Variants in INPP4B observed in about 807,000 individuals in gnomAD.
The protein encoded by INPP4B is inositol polyphosphate 4-phosphatase type II.
In INPP4B, 55 loss-of-function variants were observed where a neutral mutation model predicts 122.5. The observed-to-expected ratio is 0.45, with a 90% CI of 0.36 to 0.56. The LOEUF (loss-of-function observed/expected upper bound fraction) is 0.56, where lower values mean the gene tolerates loss of function less well. INPP4B is among the 20% of genes least tolerant of loss of function. The probability of loss-of-function intolerance (pLI) is 0.00; values close to 1 mark genes in which losing one functional copy is unlikely to be tolerated. For synonymous variants in INPP4B, 403 were observed against 388.7 expected (o/e 1.04, Z -0.43); for missense variants, 1,000 against 1,097.7 (o/e 0.91, Z 1.26).
At chr4:142,334,329 T>C (rs150814275) in intron 7 of INPP4B, among the ~76,000 whole-genome samples, 1 of 152,300 alleles carries the variant, frequency 6.6e-6, no homozygotes, top group East Asian at 1.9e-4. Context: ...TCTCACAATT[T>C]CCTTATTAAT....
At chr4:142,357,154 T>A (rs1417314870) in intron 7 of INPP4B, among the ~76,000 whole-genome samples, 1 of 152,028 alleles carries the variant, frequency 6.6e-6, no homozygotes, top group Non-Finnish European at 1.5e-5. Context: ...TTTTCTGAGC[T>A]CTGTGAACCA....
rs1497138 is a variant in INPP4B, at chr4:142,185,947, T to C, written c.1181+7140A>G. Among the ~76,000 whole-genome samples the C allele has an allele frequency of 5.5e-3, 834 of 150,634 alleles. 7 individuals are homozygous for C. Among genetic ancestry groups the C allele is most frequent in the Middle Eastern group, 0.014 (4 of 290 alleles). On this transcript the variant is annotated intron_variant, in intron 15 of 25. Transcript: ENST00000262992. ...TAGTTATACTAAATGTAGGAATTTA[T>C]CTAGAAGAAACACCTAGAAATTTGC...
intron 2 of INPP4B, among the ~76,000 whole-genome samples, chr4:142,608,265 C>A (rs1741707458): frequency 6.6e-6 from 1 of 152,086 alleles, no homozygotes; most frequent in Non-Finnish European, 1.5e-5. Context: ...TTTATTGACT[C>A]TTTTGCATAG....
intron 3 of INPP4B, among the ~76,000 whole-genome samples, chr4:142,434,441 G>A (rs1160458997): frequency 6.6e-6 from 1 of 152,134 alleles, no homozygotes; most frequent in Non-Finnish European, 1.5e-5. Flanking sequence ...TTGTCCCTGT[G>A]GAAACATTGA....
At chr4:142,406,276 G>A (rs942024132) in intron 5 of INPP4B, among the ~76,000 whole-genome samples, 2 of 152,044 alleles carry the variant, frequency 1.3e-5, no homozygotes, top group Non-Finnish European at 2.9e-5. Context: ...AAGTAGCCCT[G>A]GGTCCTTGAT....
At chr4:142,113,415 T>A (rs1421270235) in intron 21 of INPP4B, among the ~76,000 whole-genome samples, 8 of 152,022 alleles carry the variant, frequency 5.3e-5, no homozygotes, top group African/African-American at 1.9e-4. Context: ...GGAAAATCCA[T>A]GTGTTTCAAG....
At chr4:142,029,313 G>A in intron 25 of INPP4B, 1 of 984,894 alleles carries the variant, frequency 1.0e-6, no homozygotes, top group African/African-American at 1.7e-5. Flanking sequence ...CTAGAAATAA[G>A]GCATTTAATT....
intron 12 of INPP4B, among the ~76,000 whole-genome samples, chr4:142,230,909 T>A (rs1361191145): frequency 6.6e-6 from 1 of 152,182 alleles, no homozygotes; most frequent in African/African-American, 2.4e-5. Flanking sequence ...ATCTAACATT[T>A]CCTCCTTGTG....
intron 2 of INPP4B, among the ~76,000 whole-genome samples, chr4:142,710,258 T>C (rs1354040126): frequency 6.6e-6 from 1 of 152,218 alleles, no homozygotes; most frequent in Non-Finnish European, 1.5e-5. Flanking sequence ...AGAATACATT[T>C]GGATTAGCTT....
At chr4:142,169,024 T>C (rs893525019) in intron 16 of INPP4B, among the ~76,000 whole-genome samples, 2 of 151,724 alleles carry the variant, frequency 1.3e-5, no homozygotes, top group South Asian at 2.1e-4. Context: ...GTCCACTTTC[T>C]TGTTGTTTAA....
In INPP4B at chr4:142,584,781, C is replaced by T. The variant is rs115929200; in HGVS notation, c.-190-122055G>A. ...TGGGGAAAAAAAAAGTCAGTAAGTG[C>T]AGACCATATTTAAGAGTGGGAGTTA... On this transcript the variant is annotated intron_variant, in intron 2 of 25. Coordinates refer to ENST00000262992, the MANE Select transcript of INPP4B (RefSeq NM_001101669.3). Among the ~76,000 whole-genome samples the T allele has an allele frequency of 1.9e-3, 290 of 152,094 alleles. 1 individual carries two copies. The highest frequency in any genetic ancestry group is 2.7e-3 in the Non-Finnish European group (185 of 67,992).
chr4:142,702,777 T>C (rs1400059925), intron 2 of INPP4B, among the ~76,000 whole-genome samples: 1 of 150,832 alleles, frequency 6.6e-6, no homozygotes, highest in East Asian at 1.9e-4. Flanking sequence ...TACTTTGGGT[T>C]CACAAACTAT....
At chr4:142,789,632 G>C (rs1776255258) in intron 1 of INPP4B, among the ~76,000 whole-genome samples, 1 of 152,028 alleles carries the variant, frequency 6.6e-6, no homozygotes. Flanking sequence ...TGGATGGGTA[G>C]AATCAATATT....
intron 17 of INPP4B, 27 bp downstream of exon 17, chr4:142,160,331 G>C (rs751763146): frequency 1.3e-5 from 18 of 1,347,120 alleles, no homozygotes; most frequent in Non-Finnish European, 1.7e-5. Flanking sequence ...CAAACATTGA[G>C]AGGCAAGCGA....
intron 25 of INPP4B, among the ~76,000 whole-genome samples, chr4:142,078,485 G>GA (rs1378820726): frequency 2.6e-5 from 4 of 151,818 alleles, no homozygotes; most frequent in East Asian, 3.9e-4. Context: ...TATTTATTGA[G>GA]AAAAAATATA....
chr4:142,499,510 G>A (rs1243360842), intron 2 of INPP4B, among the ~76,000 whole-genome samples: 4 of 152,032 alleles, frequency 2.6e-5, no homozygotes, highest in African/African-American at 7.2e-5. Context: ...TCATTGAGGC[G>A]ATTAAGATTT....
chr4:142,777,898 A>C (rs537612683), intron 1 of INPP4B, among the ~76,000 whole-genome samples: 1 of 152,194 alleles, frequency 6.6e-6, no homozygotes, highest in African/African-American at 2.4e-5. Flanking sequence ...AGGATTGGCT[A>C]TATAATGTGT....
intron 23 of INPP4B, among the ~76,000 whole-genome samples, chr4:142,098,022 G>A (rs1174315683): frequency 6.6e-6 from 1 of 152,120 alleles, no homozygotes; most frequent in East Asian, 1.9e-4. Flanking sequence ...AACTTTAAGA[G>A]AGAAGGGTTC....
At chr4:142,416,895 A>T (rs1392165596) in intron 5 of INPP4B, among the ~76,000 whole-genome samples, 2 of 152,220 alleles carry the variant, frequency 1.3e-5, no homozygotes, top group Non-Finnish European at 2.9e-5. Flanking sequence ...AGAAATGACT[A>T]GTGATCCAGG....
Sources: allele counts gnomAD v4.1 joint callset (sites outside exome capture counted in the v4.1 genomes callset), GRCh38; gene constraint gnomAD v4.1.1; transcripts MANE v1.5; gene names NCBI Gene and HGNC (gene_info 2026-07-23, HGNC 2026-07-21).